ASTN2: variants seen among roughly 807,000 people sequenced by gnomAD.
ASTN2 encodes astrotactin-2.
Under a neutral mutation model 139.8 loss-of-function variants are expected in ASTN2, and 54 were observed. The observed-to-expected ratio is 0.39, with a 90% CI of 0.31 to 0.48. ASTN2 has a LOEUF of 0.48. Ranked by LOEUF, ASTN2 falls within the 20% of genes least tolerant of loss-of-function variation. The pLI is 0.95. For missense variants in ASTN2, 1,565 were observed against 1,725.1 expected, an observed-to-expected ratio of 0.91 and a Z score of 1.64; for synonymous variants, 756 against 719.5, an observed-to-expected ratio of 1.05 and a Z score of -0.81.
chr9:116,732,637 G>A (rs1170523482), intron 14 of ASTN2, among the ~76,000 whole-genome samples: 2 of 152,222 alleles, frequency 1.3e-5, no homozygotes, highest in African/African-American at 2.4e-5. Context: ...TAAGAAAAGG[G>A]TAGGAGAGGA....
chr9:117,390,192 A>G (rs1830506072), intron 1 of ASTN2, among the ~76,000 whole-genome samples: 1 of 152,180 alleles, frequency 6.6e-6, no homozygotes, highest in African/African-American at 2.4e-5. Flanking sequence ...AAATTAATAG[A>G]CTTTATTAGT....
intron 19 of ASTN2, among the ~76,000 whole-genome samples, chr9:116,537,717 T>G (rs1290493332): frequency 6.6e-6 from 1 of 152,174 alleles, no homozygotes; most frequent in Admixed American, 6.6e-5. Context: ...CTGACTATCA[T>G]AGAATCAGAA....
rs560424339 is a variant in ASTN2 at position 116,741,873 on chromosome 9, TAGTTTA to T, written c.2397-8356_2397-8351del. Among the ~76,000 whole-genome samples the T allele has an allele frequency of 1.1e-3, 172 of 152,322 alleles. 2 individuals are homozygous for T. In the South Asian group the frequency reaches 0.027, roughly 24 times the overall value. On this transcript the variant is annotated intron_variant, in intron 13 of 22. Transcript: ENST00000313400. ...TGCTCTACTTCTTAATTATGCATCATAGTTTAAGTTCTCTGGTCAAGCACTCAATAT... is the reference window on the plus strand; with the variant it reads ...TGCTCTACTTCTTAATTATGCATCATAGTTCTCTGGTCAAGCACTCAATAT...
chr9:116,601,311 A>C (rs1252906745), intron 19 of ASTN2, among the ~76,000 whole-genome samples: 1 of 152,216 alleles, frequency 6.6e-6, no homozygotes, highest in Admixed American at 6.5e-5. Context: ...GAGTTATGAA[A>C]GTTCTTAAAA....
At chr9:117,181,223 T>C (rs985467281) in intron 3 of ASTN2, 5 of 596,310 alleles carry the variant, frequency 8.4e-6, no homozygotes, top group African/African-American at 5.6e-5. Context: ...ATTTCAATTA[T>C]TCTTCACAGC....
chr9:116,718,774 G>A (rs1454211648), intron 16 of ASTN2, among the ~76,000 whole-genome samples: 1 of 151,554 alleles, frequency 6.6e-6, no homozygotes, highest in African/African-American at 2.4e-5. Flanking sequence ...GCCAGCCTTC[G>A]GACTGGAACT....
intron 5 of ASTN2, among the ~76,000 whole-genome samples, chr9:117,049,718 C>G (rs1013548647): frequency 6.6e-6 from 1 of 152,172 alleles, no homozygotes; most frequent in African/African-American, 2.4e-5. Flanking sequence ...TATCCTTCTT[C>G]TTCCCAAGTG....
At chr9:116,697,598 T>C in intron 16 of ASTN2, 2 of 1,057,370 alleles carry the variant, frequency 1.9e-6, no homozygotes, top group Non-Finnish European at 2.8e-6. Context: ...TCTCTAAATG[T>C]TTCTTGAGTG....
intron 1 of ASTN2, among the ~76,000 whole-genome samples, chr9:117,344,813 A>C (rs1322644229): frequency 6.6e-6 from 1 of 152,184 alleles, no homozygotes; most frequent in African/African-American, 2.4e-5. Flanking sequence ...CAGCCCAGGC[A>C]GAGGCATTGT....
intron 13 of ASTN2, among the ~76,000 whole-genome samples, chr9:116,740,698 T>C (rs562513146): frequency 6.6e-6 from 1 of 151,896 alleles, no homozygotes; most frequent in East Asian, 1.9e-4. Flanking sequence ...TTTTTTTTAG[T>C]AGAGATGGGG....
chr9:117,081,350 A>T (rs1828422320), intron 5 of ASTN2, among the ~76,000 whole-genome samples: 1 of 152,134 alleles, frequency 6.6e-6, no homozygotes, highest in African/African-American at 2.4e-5. Context: ...TCCATAAATA[A>T]GAAACATACC....
intron 20 of ASTN2, among the ~76,000 whole-genome samples, chr9:116,467,569 C>T (rs2118996479): frequency 6.6e-6 from 1 of 152,332 alleles, no homozygotes; most frequent in Middle Eastern, 3.4e-3. Context: ...CCGGCCGAGA[C>T]AGAATCTTAC....
At chr9:117,403,975 G>A (rs1001901934) in intron 1 of ASTN2, among the ~76,000 whole-genome samples, 1 of 152,126 alleles carries the variant, frequency 6.6e-6, no homozygotes, top group Non-Finnish European at 1.5e-5. Flanking sequence ...TGGAAAGAGG[G>A]GGAGGGGAAA....
At chr9:117,303,568 T>G (rs1043135025) in intron 1 of ASTN2, among the ~76,000 whole-genome samples, 9 of 152,220 alleles carry the variant, frequency 5.9e-5, no homozygotes, top group Non-Finnish European at 1.0e-4. Context: ...TGAGCTCTCC[T>G]GTGCCTTGTC....
Position 116,948,785 on chromosome 9 carries a change from G to GTTTTTTTTTTTTGTTTTTTTTTTTTT in ASTN2, c.1889+26422_1889+26423insAAAAAAAAAAAAACAAAAAAAAAAAA, listed in dbSNP as rs1835471789. On this transcript the variant is annotated intron_variant, in intron 10 of 22. Coordinates refer to ENST00000313400, the MANE Select transcript of ASTN2 (RefSeq NM_001365068.1). ...AGAGAGAGGAGAGAAATAATTTGGT[G>GTTTTTTTTTTTTGTTTTTTTTTTTTT]TTTTTTTTTTTTTTTTTTTTTTTTT... Among the ~76,000 whole-genome samples the GTTTTTTTTTTTTGTTTTTTTTTTTTT allele has an allele frequency of 6.1e-5, 3 of 49,474 alleles. 1 individual carries two copies. Among genetic ancestry groups the GTTTTTTTTTTTTGTTTTTTTTTTTTT allele is most frequent in the African/African-American group, 8.6e-5 (1 of 11,590 alleles). The allele number at this position is 49,474 out of a possible 152,430, so 32.5% of individuals were successfully genotyped here.
intron 5 of ASTN2, among the ~76,000 whole-genome samples, chr9:117,080,378 G>T (rs1265501963): frequency 6.6e-6 from 1 of 152,008 alleles, no homozygotes; most frequent in Non-Finnish European, 1.5e-5. Context: ...GGACATTTGG[G>T]CTCATTCTAA....
At chr9:117,256,533 T>G (rs992586604) in intron 2 of ASTN2, among the ~76,000 whole-genome samples, 2 of 152,162 alleles carry the variant, frequency 1.3e-5, no homozygotes, top group Admixed American at 6.6e-5. Context: ...ATACAATCAA[T>G]GACTAGAAGA....
intron 13 of ASTN2, among the ~76,000 whole-genome samples, chr9:116,750,929 A>G (rs896040727): frequency 1.8e-4 from 27 of 152,362 alleles, no homozygotes; most frequent in African/African-American, 6.5e-4. Context: ...TCTTTTCAAA[A>G]TTTGACATAG....
chr9:116,674,155 T>C (rs898653422), intron 16 of ASTN2, among the ~76,000 whole-genome samples: 3 of 152,214 alleles, frequency 2.0e-5, no homozygotes, highest in Non-Finnish European at 4.4e-5. Context: ...TACAAGATGC[T>C]GACCCTCCCT....
Sources: gnomAD v4.1 joint callset for allele counts (sites outside exome capture counted in the v4.1 genomes callset) on GRCh38, gnomAD v4.1.1 for gene constraint, MANE v1.5 for transcripts, NCBI Gene and HGNC (gene_info 2026-07-23, HGNC 2026-07-21) for gene names.